Variants in TRIM48 observed in about 807,000 individuals in gnomAD.
TRIM48 encodes the protein tripartite motif containing 48.
TRIM48 carries 31 observed loss-of-function variants against 29.5 expected under a neutral mutation model. The ratio of observed to expected loss-of-function variants is 1.05; its 90% CI spans 0.79 to 1.42. TRIM48 has a LOEUF of 1.42. TRIM48 is among the 40% of genes most tolerant of loss of function. The pLI, the probability that TRIM48 is intolerant of heterozygous loss-of-function variation, is 0.00. For synonymous variants in TRIM48, 128 were observed against 90.6 expected (o/e 1.41, Z -2.34); for missense variants, 344 against 265.0 (o/e 1.30, Z -2.07).
chr11:55,270,413 T>A, intron 5 of TRIM48, 24 bp from the exon 6 acceptor site: 2 of 1,331,482 alleles, frequency 1.5e-6, no homozygotes, highest in African/African-American at 3.0e-5. Flanking sequence ...TTTCTTTCTA[T>A]TTATTTATTT....
At chr11:55,267,683 T>C in intron 3 of TRIM48, 1 of 1,555,848 alleles carries the variant, frequency 6.4e-7, no homozygotes, top group Non-Finnish European at 8.7e-7. Flanking sequence ...TATTCACATG[T>C]ATAAGTATTT....
intron 3 of TRIM48, among the ~76,000 whole-genome samples, 156 bp from the exon 4 acceptor site, chr11:55,268,194 G>C (rs1236573456): frequency 1.4e-5 from 2 of 147,612 alleles, no homozygotes; most frequent in Admixed American, 1.4e-4. Flanking sequence ...ATGATTGACT[G>C]GGTTTTTCAT....
Position 55,269,364 on chromosome 11 carries a change from C to A in TRIM48, c.*1+25C>A, listed in dbSNP as rs773980030. ...GGTAAGTCTCCACCCACAGGCAGCA[C>A]CCCCACTATCTAAATATTATTATTG... On this transcript the variant is annotated intron_variant, in intron 5 of 5. Transcript: ENST00000417545. 7.5e-5 allele frequency: 117 copies of A among 1,565,542 alleles called. 14 individuals are homozygous for A. The highest frequency in any genetic ancestry group is 2.4e-4 in the East Asian group (10 of 41,186).
intron 1 of TRIM48, among the ~76,000 whole-genome samples, chr11:55,263,247 C>T (rs1857332415): frequency 6.6e-6 from 1 of 152,082 alleles, no homozygotes; most frequent in African/African-American, 2.4e-5. Context: ...CAGTATAGAA[C>T]ACGCTGTACA....
Position 55,270,702 on chromosome 11 carries a change from G to C in TRIM48, c.*267G>C. 1 of 1,569,800 alleles carries C rather than the reference G, an allele frequency of 6.4e-7. No individual in the cohort carries two copies. The highest frequency in any genetic ancestry group is 8.7e-7 in the Non-Finnish European group (1 of 1,153,838). On this transcript the variant is annotated 3_prime_UTR_variant, in exon 6 of 6. Transcript: ENST00000417545. ...AGAATGGCAATATATATGGAGAGGAGGGACTCTTTAGTCTTGGGTGTGTTA... is the reference window on the plus strand; with the variant it reads ...AGAATGGCAATATATATGGAGAGGACGGACTCTTTAGTCTTGGGTGTGTTA...
At chr11:55,263,041 G>C (rs567258255) in intron 1 of TRIM48, among the ~76,000 whole-genome samples, 106 of 151,950 alleles carry the variant, frequency 7.0e-4, no homozygotes, top group Non-Finnish European at 1.2e-3. Flanking sequence ...TATTAGTCAG[G>C]GCTCTCCAGA....
intron 5 of TRIM48, 32 bp from the exon 6 acceptor site, chr11:55,270,405 T>C: frequency 7.1e-7 from 1 of 1,412,306 alleles, no homozygotes; most frequent in Non-Finnish European, 9.5e-7. Context: ...TTTCTTTCTT[T>C]CTTTCTATTT....
At chr11:55,268,526 A>G (rs1407019071) in intron 4 of TRIM48, among the ~76,000 whole-genome samples, 154 bp downstream of exon 4, 2 of 147,414 alleles carry the variant, frequency 1.4e-5, no homozygotes, top group African/African-American at 2.5e-5. Flanking sequence ...CAAGACCACT[A>G]AGTAAATAAA....
rs1857431155 is a variant in TRIM48 at position 55,268,713 on chromosome 11, G to A, written c.578+341G>A. 1.4e-5 allele frequency among the ~76,000 whole-genome samples: 2 copies of A among 147,686 alleles called. 1 individual carries two copies. The highest frequency in any genetic ancestry group is 3.0e-5 in the Non-Finnish European group (2 of 66,934). ...GAAGTATTTTAGCAGTGAAAAAGTT[G>A]ATGATTTGTTGTTCATACCTATACA... is the stretch of plus-strand genomic sequence containing the variant. On this transcript the variant is annotated intron_variant, in intron 4 of 5. Transcript: ENST00000417545.
chr11:55,269,486 T>C, intron 5 of TRIM48, 147 bp downstream of exon 5: 1 of 1,163,476 alleles, frequency 8.6e-7, no homozygotes, highest in Non-Finnish European at 1.2e-6. Context: ...TTTGTATCTG[T>C]GTCTGTATAG....
At position 55,266,859 on chromosome 11, in the gene TRIM48, G is replaced by C. The variant is rs188239045; in HGVS notation, c.555+1164G>C. 1.6e-4 allele frequency among the ~76,000 whole-genome samples: 24 copies of C among 147,534 alleles called. 1 individual carries two copies. Among genetic ancestry groups the C allele is most frequent in the African/African-American group, 5.9e-4 (24 of 40,442 alleles). Reference sequence around the variant, plus strand: ...TTTGGAGGCCTGGGGAACCAAAGAAGTCTATGTTTCAGATTGGGATGACTT... The same window carrying C: ...TTTGGAGGCCTGGGGAACCAAAGAACTCTATGTTTCAGATTGGGATGACTT... On this transcript the variant is annotated intron_variant, in intron 3 of 5. Coordinates refer to ENST00000417545, the MANE Select transcript of TRIM48 (RefSeq NM_024114.5).
At position 55,264,937 on chromosome 11, in the gene TRIM48, G is replaced by A. The variant is rs1590620591; in HGVS notation, c.82G>A (p.Glu28Lys). The A allele has an allele frequency of 6.3e-7, 1 of 1,583,626 alleles. No individual in the cohort carries two copies. The highest frequency in any genetic ancestry group is 1.7e-5 in the Admixed American group (1 of 58,472). ...NSGISQVFQRELTCPICMNYF... is the reference protein window; with the variant it reads ...NSGISQVFQRKLTCPICMNYF... ...TGGAATCTCGCAAGTCTTCCAGAGGGAACTCACCTGCCCCATCTGCATGAA... is the reference window on the plus strand; with the variant it reads ...TGGAATCTCGCAAGTCTTCCAGAGGAAACTCACCTGCCCCATCTGCATGAA... Residue 28 changes from glutamate (E) to lysine (K), a missense_variant, in exon 2 of 6, where the codon GAA becomes AAA. By Grantham distance (56) the Glu-to-Lys change is moderately conservative. Coordinates refer to ENST00000417545, the MANE Select transcript of TRIM48 (RefSeq NM_024114.5).
Position 55,270,533 on chromosome 11 carries a change from C to T in TRIM48, c.*98C>T, listed in dbSNP as rs1474315835. The T allele has an allele frequency of 6.3e-6, 10 of 1,581,836 alleles. 2 individuals are homozygous for T. The highest frequency in any genetic ancestry group is 7.7e-6 in the Non-Finnish European group (9 of 1,165,228). ...ATTGGATGTGACCGTCAAAATCCGC[C>T]CCATATCACTGCAACACCTACAAGT... On this transcript the variant is annotated 3_prime_UTR_variant, in exon 6 of 6. Coordinates refer to ENST00000417545, the MANE Select transcript of TRIM48 (RefSeq NM_024114.5).
At chr11:55,263,793 C>G (rs891827750) in intron 1 of TRIM48, among the ~76,000 whole-genome samples, 4 of 152,190 alleles carry the variant, frequency 2.6e-5, no homozygotes, top group African/African-American at 9.7e-5. Context: ...TGAGCAGTTC[C>G]AAATATAGGC....
At position 55,265,186 on chromosome 11, in the gene TRIM48, A is replaced by C. The variant is rs139732012; in HGVS notation, c.331A>C (p.Ile111Leu). The C allele has an allele frequency of 2.5e-6, 4 of 1,582,868 alleles. 1 individual carries two copies. The East Asian group carries it at 9.7e-5, about 38-fold the overall frequency. ...FLSSEEQMCG[I>L]HRETKKMFCE... ...GAGCTCTGAGGAGCAAATGTGTGGC[A>C]TTCACAGGGAGACAAAGAAGATGTT... Residue 111 changes from isoleucine (I) to leucine (L), a missense_variant, in exon 2 of 6, where the codon ATT becomes CTT. Ile to Leu is a conservative substitution (Grantham distance 5). Coordinates refer to ENST00000417545, the MANE Select transcript of TRIM48 (RefSeq NM_024114.5).
rs776314169 is a variant in TRIM48 at position 55,264,856 on chromosome 11, A to G, written c.45-44A>G. The G allele has an allele frequency of 5.1e-6, 8 of 1,581,386 alleles. 2 individuals are homozygous for G. The Admixed American group carries it at 5.1e-5, about 10-fold the overall frequency. ...ATCTCCACATGTTCAGAAGCTTTTC[A>G]TCAACCCAGACCCCAAAATGACATG... On this transcript the variant is annotated intron_variant, in intron 1 of 5. Transcript: ENST00000417545.
Position 55,271,055 on chromosome 11 carries a change from T to C in TRIM48, c.*620T>C, listed in dbSNP as rs1205834861. 7.6e-7 allele frequency: 1 copy of C among 1,307,400 alleles called. No individual in the cohort carries two copies. Among genetic ancestry groups the C allele is most frequent in the Non-Finnish European group, 1.0e-6 (1 of 960,764 alleles). The allele number at this position is 1,307,400 out of a possible 1,614,324, so 81.0% of individuals were successfully genotyped here. A position where few individuals can be genotyped will look rare whatever the true frequency, so the allele number is the denominator to read the frequency against. On this transcript the variant is annotated 3_prime_UTR_variant, in exon 6 of 6. Coordinates refer to ENST00000417545, the MANE Select transcript of TRIM48 (RefSeq NM_024114.5). ...GTTCGGTTTTATGTCTTGAATTGCA[T>C]TCTAATGTTATTAAAACTCATTTAT...
chr11:55,270,317 G>C, intron 5 of TRIM48, 120 bp from the exon 6 acceptor site: 1 of 779,274 alleles, frequency 1.3e-6, no homozygotes, highest in Non-Finnish European at 1.9e-6. Context: ...AAGTGTCCTT[G>C]TGACTTTACG....
rs1857376391 is a variant in TRIM48 at position 55,265,384 on chromosome 11, A to G, written c.459+70A>G. Reference sequence around the variant, plus strand: ...AATTCCTGTGGCCCTATTTTCTTGGAGATTGGGTAAAGCCAACTCTGAGTC... The same window carrying G: ...AATTCCTGTGGCCCTATTTTCTTGGGGATTGGGTAAAGCCAACTCTGAGTC... On this transcript the variant is annotated intron_variant, in intron 2 of 5. Coordinates refer to ENST00000417545, the MANE Select transcript of TRIM48 (RefSeq NM_024114.5). 4.5e-6 allele frequency: 7 copies of G among 1,568,972 alleles called. 1 individual carries two copies. Among genetic ancestry groups the G allele is most frequent in the Non-Finnish European group, 1.7e-6 (2 of 1,159,850 alleles).
Sources: gnomAD v4.1 joint callset for allele counts (sites outside exome capture counted in the v4.1 genomes callset) on GRCh38, gnomAD v4.1.1 for gene constraint, MANE v1.5 for transcripts, NCBI Gene and HGNC (gene_info 2026-07-23, HGNC 2026-07-21) for gene names.